Variants in TOR1B observed in about 807,000 individuals in gnomAD.
TOR1B encodes the protein torsin family 1 member B.
Under a neutral mutation model 29.2 loss-of-function variants are expected in TOR1B, and 14 were observed. The observed-to-expected ratio is 0.48, with a 90% confidence interval of 0.32 to 0.75. The LOEUF is 0.75. TOR1B is among the 30% of genes least tolerant of loss of function. The pLI is 0.04. For synonymous variants in TOR1B, 166 were observed against 179.8 expected, an observed-to-expected ratio of 0.92 and a Z score of 0.62; for missense variants, 400 against 433.9, an observed-to-expected ratio of 0.92 and a Z score of 0.69.
chr9:129,809,620 C>G lies in TOR1B; in HGVS notation c.*37C>G. On this transcript the variant is annotated 3_prime_UTR_variant, in exon 5 of 5. Transcript: ENST00000259339. ...GATGGGGTAGGAGACAGCTGGGAGGCTCCGCACGCCAGAGGCCTTGCCTTT... is the reference window on the plus strand; with the variant it reads ...GATGGGGTAGGAGACAGCTGGGAGGGTCCGCACGCCAGAGGCCTTGCCTTT... 1 of 1,611,438 alleles carries G rather than the reference C, an allele frequency of 6.2e-7. No individual in the cohort carries two copies. Among genetic ancestry groups the G allele is most frequent in the East Asian group, 2.2e-5 (1 of 44,814 alleles).
At chr9:129,808,314 A>C (rs2030620566) in intron 3 of TOR1B, among the ~76,000 whole-genome samples, 1 of 151,968 alleles carries the variant, frequency 6.6e-6, no homozygotes, top group African/African-American at 2.4e-5. Flanking sequence ...GCTGGCCAAC[A>C]TGGTGAAACC....
At position 129,809,859 on chromosome 9, in the gene TOR1B, GC is replaced by G; in HGVS notation, c.*279del. ...TGGGATTACAGGCATGAGCCACTGTGCCCAGCTGGGATATAGAATCTAAGAG... is the reference window on the plus strand; with the variant it reads ...TGGGATTACAGGCATGAGCCACTGTGCCAGCTGGGATATAGAATCTAAGAG... On this transcript the variant is annotated 3_prime_UTR_variant, in exon 5 of 5. Coordinates refer to ENST00000259339, the MANE Select transcript of TOR1B (RefSeq NM_014506.3). 1 of 1,323,786 alleles carries G rather than the reference GC, an allele frequency of 7.6e-7. No homozygotes were observed. Among genetic ancestry groups the G allele is most frequent in the Non-Finnish European group, 9.7e-7 (1 of 1,030,286 alleles). The allele number at this position is 1,323,786 out of a possible 1,614,324, so 82.0% of individuals were successfully genotyped here.
rs767267409 is a variant in TOR1B at position 129,807,138 on chromosome 9, G to A, written c.466-50G>A. On this transcript the variant is annotated intron_variant, in intron 2 of 4. Transcript: ENST00000259339. ...GCAGATGGAGCCTGCGCGCCTCTTG[G>A]TGCACCCTTTGAGCTTCGCATCCTG... 3.1e-6 allele frequency: 5 copies of A among 1,594,082 alleles called. No individual in the cohort carries two copies. The South Asian group carries it at 4.5e-5, about 14-fold the overall frequency.
rs2030845303 is a variant in TOR1B at position 129,811,143 on chromosome 9, G to T, written c.*1560G>T. ...CACTTAGTCTTGAAAAAAACACCAAGGTGACGTTTAAAATTTTTAGTACAT... is the reference window on the plus strand; with the variant it reads ...CACTTAGTCTTGAAAAAAACACCAATGTGACGTTTAAAATTTTTAGTACAT... On this transcript the variant is annotated 3_prime_UTR_variant, in exon 5 of 5. Coordinates refer to ENST00000259339, the MANE Select transcript of TOR1B (RefSeq NM_014506.3). 6.6e-6 allele frequency: 1 copy of T among 152,048 alleles called. No individual in the cohort carries two copies. The highest frequency in any genetic ancestry group is 1.5e-5 in the Non-Finnish European group (1 of 68,010). 9.4% of individuals were successfully genotyped at this position (152,048 alleles called of 1,614,324 possible). A position where few individuals can be genotyped will look rare whatever the true frequency, so the allele number is the denominator to read the frequency against.
chr9:129,804,570 G>A, intron 2 of TOR1B: 2 of 546,492 alleles, frequency 3.7e-6, no homozygotes, highest in Non-Finnish European at 6.3e-6. Flanking sequence ...AAAAGATGGG[G>A]AGCCAAGGGC....
chr9:129,811,048 C>T lies in TOR1B; in HGVS notation c.*1465C>T, dbSNP rs1001345243. 1.3e-5 allele frequency: 2 copies of T among 152,064 alleles called. No individual in the cohort carries two copies. Among genetic ancestry groups the T allele is most frequent in the Non-Finnish European group, 1.5e-5 (1 of 68,026 alleles). The allele number at this position is 152,064 out of a possible 1,614,324, so 9.4% of individuals were successfully genotyped here. A position where few individuals can be genotyped will look rare whatever the true frequency, so the allele number is the denominator to read the frequency against. On this transcript the variant is annotated 3_prime_UTR_variant, in exon 5 of 5. Transcript: ENST00000259339. Reference sequence around the variant, plus strand: ...CACAGCACAGCTGCAGACACAACAACGTGCAGCATTTTTTACATAAAAATA... The same window carrying T: ...CACAGCACAGCTGCAGACACAACAATGTGCAGCATTTTTTACATAAAAATA...
intron 2 of TOR1B, among the ~76,000 whole-genome samples, chr9:129,805,154 A>T (rs74500458): frequency 2.0e-5 from 3 of 149,238 alleles, no homozygotes; most frequent in South Asian, 4.2e-4. Context: ...AAAAAAAAAA[A>T]AGAGAGATGT....
At position 129,807,175 on chromosome 9, in the gene TOR1B, A is replaced by G; in HGVS notation, c.466-13A>G. 1.2e-6 allele frequency: 2 copies of G among 1,611,742 alleles called. No individual in the cohort carries two copies. Among genetic ancestry groups the G allele is most frequent in the South Asian group, 2.2e-5 (2 of 90,950 alleles). On this transcript the variant is annotated splice_polypyrimidine_tract_variant and intron_variant, in intron 2 of 4. Transcript: ENST00000259339. The stretch of plus-strand genomic sequence containing the variant: ...AGCTTCGCATCCTGTTTCTTCTTTC[A>G]TGGTTGGTCCAGGACCAGTTACAGA...
rs2030822236 is a variant in TOR1B at position 129,810,802 on chromosome 9, T to C, written c.*1219T>C. On this transcript the variant is annotated 3_prime_UTR_variant, in exon 5 of 5. Coordinates refer to ENST00000259339, the MANE Select transcript of TOR1B (RefSeq NM_014506.3). ...GAAGGACACAAAATGGAATGACTGCTTAGTCCTTTCTCAGATACTCTTAAA... is the reference window on the plus strand; with the variant it reads ...GAAGGACACAAAATGGAATGACTGCCTAGTCCTTTCTCAGATACTCTTAAA... 6.5e-6 allele frequency: 1 copy of C among 153,980 alleles called. No individual in the cohort carries two copies. The highest frequency in any genetic ancestry group is 2.4e-5 in the African/African-American group (1 of 41,462). 9.5% of individuals were successfully genotyped at this position (153,980 alleles called of 1,614,324 possible). A position where few individuals can be genotyped will look rare whatever the true frequency, so the allele number is the denominator to read the frequency against.
rs897494161 is a variant in TOR1B, at chr9:129,810,279, G to A, written c.*696G>A. 3.8e-6 allele frequency: 5 copies of A among 1,303,522 alleles called. No homozygotes were observed. The highest frequency in any genetic ancestry group is 4.0e-6 in the Non-Finnish European group (4 of 988,882). 80.7% of individuals were successfully genotyped at this position (1,303,522 alleles called of 1,614,324 possible). Reference sequence around the variant, plus strand: ...TAAAATCGGGGCTGGAGGTGCAGACGGTGTCTGACCGGAGGATGTGGCCGT... The same window carrying A: ...TAAAATCGGGGCTGGAGGTGCAGACAGTGTCTGACCGGAGGATGTGGCCGT... On this transcript the variant is annotated 3_prime_UTR_variant, in exon 5 of 5. Coordinates refer to ENST00000259339, the MANE Select transcript of TOR1B (RefSeq NM_014506.3).
chr9:129,803,933 C>A, intron 1 of TOR1B, 140 bp from the exon 2 acceptor site: 1 of 1,082,678 alleles, frequency 9.2e-7, no homozygotes, highest in Non-Finnish European at 1.3e-6. Context: ...GTTTGACTGC[C>A]TCGGCCCTAG....
intron 1 of TOR1B, 144 bp from the exon 2 acceptor site, chr9:129,803,929 C>A (rs1329113403): frequency 9.8e-7 from 1 of 1,015,734 alleles, no homozygotes; most frequent in Admixed American, 2.8e-5. Context: ...CATCGTTTGA[C>A]TGCCTCGGCC....
rs2030343547 is a variant in TOR1B at position 129,804,280 on chromosome 9, T to A, written c.407T>A (p.Val136Asp). 1.2e-6 allele frequency: 2 copies of A among 1,614,098 alleles called. No individual in the cohort carries two copies. Among genetic ancestry groups the A allele is most frequent in the African/African-American group, 1.3e-5 (1 of 74,950 alleles). Residue 136 changes from valine to aspartate, a missense_variant, in exon 2 of 5, where the codon GTC (valine) becomes GAC (aspartate). By Grantham distance (152) the Val-to-Asp change is radical. Transcript: ENST00000259339. ...LHPKGLKSNF[V>D]HLFVSTLHFP... ...CCAAAAGGTCTGAAGAGTAACTTTG[T>A]CCACCTGTTTGTATCGACTCTGCAC...
chr9:129,810,145 G>C lies in TOR1B; in HGVS notation c.*562G>C. On this transcript the variant is annotated 3_prime_UTR_variant, in exon 5 of 5. Transcript: ENST00000259339. ...CTTGCTGCAGGCTGGGGGGCACTGG[G>C]TGGTTCTCACCAGCAGGCTGCGGGG... 1 of 1,303,330 alleles carries C rather than the reference G, an allele frequency of 7.7e-7. No individual in the cohort carries two copies. Among genetic ancestry groups the C allele is most frequent in the Admixed American group, 2.3e-5 (1 of 43,536 alleles). 80.7% of individuals were successfully genotyped at this position (1,303,330 alleles called of 1,614,324 possible).
At chr9:129,806,069 C>G (rs1240540182) in intron 2 of TOR1B, among the ~76,000 whole-genome samples, 2 of 150,358 alleles carry the variant, frequency 1.3e-5, no homozygotes, top group Non-Finnish European at 2.9e-5. Context: ...TACAATGAAC[C>G]ATGGTCATGT....
At chr9:129,803,830 A>C (rs2030308447) in intron 1 of TOR1B, among the ~76,000 whole-genome samples, 1 of 152,206 alleles carries the variant, frequency 6.6e-6, no homozygotes, top group East Asian at 1.9e-4. Context: ...GCGCTCAGTC[A>C]AGCGATGGTT....
Position 129,803,206 on chromosome 9 carries a change from G to A in TOR1B, c.-7G>A, listed in dbSNP as rs1376049019. 2 of 1,473,398 alleles carry A rather than the reference G, an allele frequency of 1.4e-6. No homozygotes were observed. The highest frequency in any genetic ancestry group is 1.8e-6 in the Non-Finnish European group (2 of 1,119,084). 91.3% of individuals were successfully genotyped at this position (1,473,398 alleles called of 1,614,324 possible). On this transcript the variant is annotated 5_prime_UTR_variant, in exon 1 of 5. Transcript: ENST00000259339. ...CTCAGTGGCTTCTGCGGGCTTCGAG[G>A]AGCGGGATGTTGCGGGCTGGGTGGC...
chr9:129,808,231 C>T (rs1469560910), intron 3 of TOR1B, among the ~76,000 whole-genome samples: 3 of 152,052 alleles, frequency 2.0e-5, no homozygotes, highest in African/African-American at 7.2e-5. Flanking sequence ...GGTGTGGTGG[C>T]TCACACCTGT....
At position 129,810,360 on chromosome 9, in the gene TOR1B, G is replaced by A; in HGVS notation, c.*777G>A. On this transcript the variant is annotated 3_prime_UTR_variant, in exon 5 of 5. Transcript: ENST00000259339. ...CTGTGTGTGTGTGTGTGGGGGGGTG[G>A]GGCCTTCACCTAAGACCTCTGCAGC... is the stretch of plus-strand genomic sequence containing the variant. 1 of 990,332 alleles carries A rather than the reference G, an allele frequency of 1.0e-6. No individual in the cohort carries two copies. The highest frequency in any genetic ancestry group is 1.4e-6 in the Non-Finnish European group (1 of 739,670). The allele number at this position is 990,332 out of a possible 1,614,324, so 61.3% of individuals were successfully genotyped here.
Sources: allele counts gnomAD v4.1 joint callset (sites outside exome capture counted in the v4.1 genomes callset), GRCh38; gene constraint gnomAD v4.1.1; transcripts MANE v1.5; gene names NCBI Gene and HGNC (gene_info 2026-07-23, HGNC 2026-07-21).